VAT1L: variants seen among roughly 807,000 people sequenced by gnomAD.
The protein encoded by VAT1L is vesicle amine transport 1 like, also known as putative NADPH-dependent quinone oxidoreductase VAT1L.
Under a neutral mutation model 44.1 loss-of-function variants are expected in VAT1L, and 34 were observed. The observed-to-expected ratio is 0.77, with a 90% confidence interval of 0.59 to 1.03. The LOEUF is 1.03. Ranked by LOEUF, VAT1L falls within the 50% of genes least tolerant of loss-of-function variation. The probability of loss-of-function intolerance (pLI) is 0.00; values close to 1 mark genes in which losing one functional copy is unlikely to be tolerated. For missense variants in VAT1L, 615 were observed against 538.8 expected (o/e 1.14, Z -1.40); for synonymous variants, 253 against 202.2 (o/e 1.25, Z -2.13).
At chr16:77,954,038 A>C (rs2018074433) in intron 7 of VAT1L, among the ~76,000 whole-genome samples, 2 of 152,152 alleles carry the variant, frequency 1.3e-5, no homozygotes, top group South Asian at 4.2e-4. Flanking sequence ...CCCCACCACC[A>C]CTGAGATTCG....
chr16:77,950,171 G>T (rs906687464), intron 7 of VAT1L, among the ~76,000 whole-genome samples: 1 of 152,190 alleles, frequency 6.6e-6, no homozygotes, highest in East Asian at 1.9e-4. Context: ...CATTTTGGGA[G>T]GCCAAGGCAG....
chr16:77,811,518 C>T (rs755200105), intron 1 of VAT1L, among the ~76,000 whole-genome samples: 71 of 152,140 alleles, frequency 4.7e-4, no homozygotes, highest in Non-Finnish European at 8.7e-4. Flanking sequence ...AGAACTCAAG[C>T]TTGGCAGTCA....
intron 7 of VAT1L, among the ~76,000 whole-genome samples, chr16:77,935,135 C>T (rs2017778056): frequency 6.6e-6 from 1 of 151,964 alleles, no homozygotes; most frequent in Admixed American, 6.6e-5. Context: ...CTATTGAAAC[C>T]AGCAAAATGA....
chr16:77,814,505 C>T (rs1368341244), intron 1 of VAT1L, among the ~76,000 whole-genome samples: 1 of 152,250 alleles, frequency 6.6e-6, no homozygotes, highest in African/African-American at 2.4e-5. Flanking sequence ...TGCTGGATGG[C>T]GAATGCAGGC....
rs75283834 is a variant in VAT1L at position 77,860,837 on chromosome 16, T to C, written c.580-1911T>C. ...ATGCCCATATTCTGAAATGTTGACCTCCAAGGGAGTGTGCCAGCAACATGT... is the reference window on the plus strand; with the variant it reads ...ATGCCCATATTCTGAAATGTTGACCCCCAAGGGAGTGTGCCAGCAACATGT... On this transcript the variant is annotated intron_variant, in intron 3 of 8. Coordinates refer to ENST00000302536, the MANE Select transcript of VAT1L (RefSeq NM_020927.3). 5.2e-3 allele frequency among the ~76,000 whole-genome samples: 798 copies of C among 152,308 alleles called. 11 individuals are homozygous for C. Among genetic ancestry groups the C allele is most frequent in the East Asian group, 0.04 (210 of 5,188 alleles).
At chr16:77,910,340 A>T (rs564626883) in intron 7 of VAT1L, among the ~76,000 whole-genome samples, 1 of 152,348 alleles carries the variant, frequency 6.6e-6, no homozygotes, top group African/African-American at 2.4e-5. Flanking sequence ...CATGAATCCT[A>T]GTAGTTTGGA....
At chr16:77,802,291 A>G (rs2016071457) in intron 1 of VAT1L, among the ~76,000 whole-genome samples, 1 of 152,120 alleles carries the variant, frequency 6.6e-6, no homozygotes, top group Non-Finnish European at 1.5e-5. Flanking sequence ...AAATAATTGA[A>G]AAGCACTGTG....
intron 7 of VAT1L, among the ~76,000 whole-genome samples, chr16:77,890,351 G>T (rs147340206): frequency 6.6e-6 from 1 of 152,222 alleles, no homozygotes; most frequent in East Asian, 1.9e-4. Context: ...TTGGTCAATG[G>T]AGTCAAATCA....
At chr16:77,918,870 A>G (rs2017580328) in intron 7 of VAT1L, among the ~76,000 whole-genome samples, 1 of 152,180 alleles carries the variant, frequency 6.6e-6, no homozygotes, top group Non-Finnish European at 1.5e-5. Context: ...GGCTCCCAGT[A>G]AATGTTTGTT....
chr16:77,848,399 C>T (rs1223915123), intron 3 of VAT1L, among the ~76,000 whole-genome samples: 4 of 152,158 alleles, frequency 2.6e-5, no homozygotes, highest in African/African-American at 7.2e-5. Flanking sequence ...GTTTTCAATG[C>T]TCGTCACGTT....
At position 77,820,465 on chromosome 16, in the gene VAT1L, G is replaced by A. The variant is rs550107389; in HGVS notation, c.363+3415G>A. On this transcript the variant is annotated intron_variant, in intron 2 of 8. Coordinates refer to ENST00000302536, the MANE Select transcript of VAT1L (RefSeq NM_020927.3). Reference sequence around the variant, plus strand: ...CATCGATGCTCACATCCTCAAGCTCGAGCTCTGTAGGGGTGTTTCCCATTG... The same window carrying A: ...CATCGATGCTCACATCCTCAAGCTCAAGCTCTGTAGGGGTGTTTCCCATTG... 2.2e-4 allele frequency among the ~76,000 whole-genome samples: 34 copies of A among 152,274 alleles called. No homozygotes were observed. The South Asian group carries it at 7.1e-3, about 32-fold the overall frequency.
intron 7 of VAT1L, among the ~76,000 whole-genome samples, chr16:77,917,988 C>T (rs929643620): frequency 6.6e-6 from 1 of 152,146 alleles, no homozygotes; most frequent in Non-Finnish European, 1.5e-5. Flanking sequence ...ATCAATTATT[C>T]GTCCCCCAAC....
At chr16:77,957,505 T>C (rs1008565170) in intron 7 of VAT1L, among the ~76,000 whole-genome samples, 6 of 152,028 alleles carry the variant, frequency 3.9e-5, no homozygotes, top group Non-Finnish European at 8.8e-5. Flanking sequence ...GGCGGGTAGA[T>C]CACAAGGTCA....
At chr16:77,959,636 T>C (rs1328995493) in intron 7 of VAT1L, among the ~76,000 whole-genome samples, 1 of 152,232 alleles carries the variant, frequency 6.6e-6, no homozygotes, top group East Asian at 1.9e-4. Flanking sequence ...CCAAGTGCTA[T>C]GGTTATTAAG....
chr16:77,893,099 T>C (rs74024873), intron 7 of VAT1L, among the ~76,000 whole-genome samples: 1 of 152,254 alleles, frequency 6.6e-6, no homozygotes, highest in African/African-American at 2.4e-5. Flanking sequence ...AAGTTTATGA[T>C]TATGAAATAA....
chr16:77,806,545 A>G (rs1488414751), intron 1 of VAT1L, among the ~76,000 whole-genome samples: 1 of 149,690 alleles, frequency 6.7e-6, no homozygotes, highest in Admixed American at 6.7e-5. Context: ...AGGTTTCACC[A>G]TGTTAGCCAG....
intron 3 of VAT1L, among the ~76,000 whole-genome samples, chr16:77,840,728 T>TA (rs2145259314): frequency 6.6e-6 from 1 of 151,854 alleles, no homozygotes; most frequent in East Asian, 1.9e-4. Context: ...ACTTGGCAGA[T>TA]ACGTGTTTGA....
At chr16:77,881,754 T>A (rs1409801596) in intron 6 of VAT1L, among the ~76,000 whole-genome samples, 1 of 152,202 alleles carries the variant, frequency 6.6e-6, no homozygotes, top group Non-Finnish European at 1.5e-5. Context: ...TGGAGTGTAA[T>A]GAAGGATGCT....
chr16:77,807,421 C>G (rs771015614), intron 1 of VAT1L, among the ~76,000 whole-genome samples: 37 of 152,140 alleles, frequency 2.4e-4, no homozygotes, highest in Non-Finnish European at 3.7e-4. Flanking sequence ...GTGCAAAGGC[C>G]CAGTCCCCAT....
Sources: gnomAD v4.1 joint callset for allele counts (sites outside exome capture counted in the v4.1 genomes callset) on GRCh38, gnomAD v4.1.1 for gene constraint, MANE v1.5 for transcripts, NCBI Gene and HGNC (gene_info 2026-07-23, HGNC 2026-07-21) for gene names.